Variants in CSMD1 observed in about 807,000 individuals in gnomAD.
CSMD1 encodes the protein CUB and Sushi multiple domains 1.
CSMD1 carries 213 observed loss-of-function variants against 417.5 expected under a neutral mutation model. The observed-to-expected ratio is 0.51, with a 90% confidence interval of 0.46 to 0.57. The LOEUF is 0.57. Ranked by LOEUF, CSMD1 falls within the 20% of genes least tolerant of loss-of-function variation. The pLI, the probability that CSMD1 is intolerant of heterozygous loss-of-function variation, is 0.00. For synonymous variants in CSMD1, 2,862 were observed against 1,736.8 expected (o/e 1.65, Z -16.11); for missense variants, 6,923 against 4,529.7 (o/e 1.53, Z -15.17).
intron 1 of CSMD1, among the ~76,000 whole-genome samples, chr8:4,833,095 C>G (rs1057242357): frequency 2.0e-5 from 3 of 152,118 alleles, no homozygotes; most frequent in African/African-American, 7.2e-5. Context: ...GGATTTAAAT[C>G]TGTATTTGAG....
At chr8:4,287,687 TAC>T (rs1797139219) in intron 3 of CSMD1, among the ~76,000 whole-genome samples, 1 of 148,298 alleles carries the variant, frequency 6.7e-6, no homozygotes, top group African/African-American at 2.5e-5. Context: ...TTATTATTAC[TAC>T]TACTTTGTAA....
At chr8:4,184,604 C>T (rs1409031430) in intron 3 of CSMD1, among the ~76,000 whole-genome samples, 1 of 151,280 alleles carries the variant, frequency 6.6e-6, no homozygotes, top group South Asian at 2.1e-4. Context: ...AGCAAACTAA[C>T]ACAGGAAAAA....
chr8:3,966,763 G>C (rs570050504), intron 5 of CSMD1, among the ~76,000 whole-genome samples: 15 of 138,192 alleles, frequency 1.1e-4, no homozygotes, highest in Admixed American at 9.5e-4. Context: ...ACGCGCGCGC[G>C]CGCACACACA....
At chr8:3,571,004 T>C (rs1399908759) in intron 10 of CSMD1, among the ~76,000 whole-genome samples, 1 of 152,236 alleles carries the variant, frequency 6.6e-6, no homozygotes, top group Non-Finnish European at 1.5e-5. Context: ...TGATTATTGA[T>C]GTATAATCTG....
rs2720847 is a variant in CSMD1, at chr8:3,748,081, A to G, written c.931+5849T>C. ...ATCGTAAGTACTTAATGAAAAGTGC[A>G]GAGTAAGAGTCAGTCGCTTGGAACC... On this transcript the variant is annotated intron_variant, in intron 6 of 69. Transcript: ENST00000635120. 4.0e-3 allele frequency among the ~76,000 whole-genome samples: 613 copies of G among 152,286 alleles called. 20 individuals are homozygous for G. The East Asian group carries it at 0.075, about 19-fold the overall frequency.
chr8:3,714,231 A>G (rs955372463), intron 6 of CSMD1, among the ~76,000 whole-genome samples: 1 of 150,868 alleles, frequency 6.6e-6, no homozygotes, highest in South Asian at 2.1e-4. Flanking sequence ...TAAGCTCCCA[A>G]TGTCAGACAT....
chr8:3,689,167 G>C (rs1372063677), intron 7 of CSMD1, among the ~76,000 whole-genome samples: 1 of 152,128 alleles, frequency 6.6e-6, no homozygotes, highest in Non-Finnish European at 1.5e-5. Flanking sequence ...TCTAAGGTTG[G>C]GAACATGTCA....
At chr8:4,359,724 C>T (rs1467940555) in intron 3 of CSMD1, among the ~76,000 whole-genome samples, 1 of 152,188 alleles carries the variant, frequency 6.6e-6, no homozygotes, top group Non-Finnish European at 1.5e-5. Flanking sequence ...GACAGGAGCA[C>T]TGTGGCCTGG....
chr8:4,611,223 C>G (rs368733024), intron 2 of CSMD1, among the ~76,000 whole-genome samples: 1 of 152,126 alleles, frequency 6.6e-6, no homozygotes, highest in African/African-American at 2.4e-5. Context: ...TAAAGGAAAT[C>G]TTACAATGGG....
chr8:4,582,735 G>A (rs527330331), intron 2 of CSMD1, among the ~76,000 whole-genome samples: 1 of 152,340 alleles, frequency 6.6e-6, no homozygotes, highest in Non-Finnish European at 1.5e-5. Flanking sequence ...TGGCACTTGA[G>A]GAGCCCTTTG....
intron 10 of CSMD1, among the ~76,000 whole-genome samples, chr8:3,526,667 C>A (rs1449314757): frequency 6.6e-6 from 1 of 152,080 alleles, no homozygotes; most frequent in African/African-American, 2.4e-5. Flanking sequence ...ACTATTTGCC[C>A]GGATGCAAAA....
chr8:4,981,819 A>C (rs1366648083), intron 1 of CSMD1, among the ~76,000 whole-genome samples: 1 of 152,022 alleles, frequency 6.6e-6, no homozygotes, highest in Non-Finnish European at 1.5e-5. Context: ...GCTACATGTG[A>C]TTATGTGTAC....
chr8:4,698,360 G>C (rs1443456818), intron 1 of CSMD1, among the ~76,000 whole-genome samples: 2 of 152,006 alleles, frequency 1.3e-5, no homozygotes, highest in Admixed American at 1.3e-4. Context: ...CAGATAAACT[G>C]GTGAATGCAT....
chr8:4,100,303 T>C (rs895703554), intron 3 of CSMD1, among the ~76,000 whole-genome samples: 1 of 152,172 alleles, frequency 6.6e-6, no homozygotes, highest in African/African-American at 2.4e-5. Flanking sequence ...TAGTATCTTT[T>C]ACCAAATGAA....
At chr8:3,722,111 G>C (rs543990720) in intron 6 of CSMD1, among the ~76,000 whole-genome samples, 102 of 152,254 alleles carry the variant, frequency 6.7e-4, no homozygotes, top group African/African-American at 2.3e-3. Flanking sequence ...GGGAGGCCGA[G>C]GCAGGTGGAT....
chr8:4,755,065 G>C (rs1811584089), intron 1 of CSMD1, among the ~76,000 whole-genome samples: 1 of 152,124 alleles, frequency 6.6e-6, no homozygotes, highest in African/African-American at 2.4e-5. Context: ...TTGAACCCGG[G>C]AGGCGGAAGT....
chr8:3,982,838 A>C (rs1486327614), intron 5 of CSMD1, among the ~76,000 whole-genome samples: 3 of 152,194 alleles, frequency 2.0e-5, no homozygotes, highest in African/African-American at 7.2e-5. Context: ...CACTTTCATC[A>C]TTGCAGCTCT....
intron 3 of CSMD1, 121 bp from the exon 4 acceptor site, chr8:4,032,220 A>C: frequency 1.5e-6 from 1 of 659,322 alleles, no homozygotes; most frequent in Non-Finnish European, 2.5e-6. Flanking sequence ...AGCATCAGAA[A>C]AATATTAATT....
At chr8:3,536,158 T>C (rs1385817196) in intron 10 of CSMD1, among the ~76,000 whole-genome samples, 4 of 152,202 alleles carry the variant, frequency 2.6e-5, no homozygotes, top group Non-Finnish European at 4.4e-5. Flanking sequence ...TGTCATTACA[T>C]AGGAGAGCAC....
Sources: allele counts gnomAD v4.1 joint callset (sites outside exome capture counted in the v4.1 genomes callset), GRCh38; gene constraint gnomAD v4.1.1; transcripts MANE v1.5; gene names NCBI Gene and HGNC (gene_info 2026-07-23, HGNC 2026-07-21).